MTDH: variants seen among roughly 807,000 people sequenced by gnomAD.
MTDH encodes metadherin.
In MTDH, 34 loss-of-function variants were observed where a neutral mutation model predicts 72.7. The observed-to-expected ratio is 0.47, with a 90% CI of 0.36 to 0.62. MTDH has a LOEUF of 0.62. MTDH is among the 20% of genes least tolerant of loss of function. The probability of loss-of-function intolerance (pLI) is 0.00; values close to 1 mark genes in which losing one functional copy is unlikely to be tolerated. For synonymous variants in MTDH, 266 were observed against 268.9 expected, an observed-to-expected ratio of 0.99 and a Z score of 0.10; for missense variants, 677 against 699.4, an observed-to-expected ratio of 0.97 and a Z score of 0.36.
rs73699160 is a variant in MTDH at position 97,654,099 on chromosome 8, A to C, written c.382-6973A>C. Among the ~76,000 whole-genome samples, 538 of 152,306 alleles carry C rather than the reference A, an allele frequency of 3.5e-3. 6 individuals are homozygous for C. The highest frequency in any genetic ancestry group is 0.012 in the African/African-American group (489 of 41,560). ...AACAAGGAGACAGTTTGGAATCCTGAGTTGAATTTTTGGCTGTTTAGAAAG... is the reference window on the plus strand; with the variant it reads ...AACAAGGAGACAGTTTGGAATCCTGCGTTGAATTTTTGGCTGTTTAGAAAG... On this transcript the variant is annotated intron_variant, in intron 1 of 11. Transcript: ENST00000336273.
intron 7 of MTDH, among the ~76,000 whole-genome samples, chr8:97,701,242 AC>A (rs34366263): frequency 1.3e-5 from 2 of 151,816 alleles, no homozygotes; most frequent in Non-Finnish European, 2.9e-5. Context: ...TGATTCCAGG[AC>A]CCCCCTCAGG....
chr8:97,649,426 A>G (rs955411876), intron 1 of MTDH, among the ~76,000 whole-genome samples: 1 of 152,164 alleles, frequency 6.6e-6, no homozygotes, highest in African/African-American at 2.4e-5. Context: ...TGATGTTCAC[A>G]TCCTTTCAGT....
chr8:97,706,445 G>C, intron 7 of MTDH, 181 bp from the exon 8 acceptor site: 1 of 427,322 alleles, frequency 2.3e-6, no homozygotes, highest in Non-Finnish European at 3.9e-6. Flanking sequence ...GATATGCTTA[G>C]CAGAAATTGA....
At chr8:97,699,257 C>T (rs139821333) in intron 6 of MTDH, among the ~76,000 whole-genome samples, 4,787 of 152,096 alleles carry the variant, frequency 0.031, 275 homozygotes, top group African/African-American at 0.11. Context: ...CACTACACTC[C>T]GGCCTGGGCA....
chr8:97,729,715 T>C lies in MTDH; in HGVS notation c.*5045T>C, dbSNP rs555231020. On this transcript the variant is annotated 3_prime_UTR_variant, in exon 12 of 12. Coordinates refer to ENST00000336273, the MANE Select transcript of MTDH (RefSeq NM_178812.4). ...TCTCGTTGCCCAGGCTGGTCTCCAA[T>C]TCCTGGGTTCAAGCAATCCTCCTGA... 3.1e-4 allele frequency among the ~76,000 whole-genome samples: 47 copies of C among 152,286 alleles called. No homozygotes were observed. Among genetic ancestry groups the C allele is most frequent in the African/African-American group, 1.1e-3 (45 of 41,564 alleles).
At chr8:97,691,539 A>G (rs1266953749) in intron 6 of MTDH, among the ~76,000 whole-genome samples, 1 of 152,220 alleles carries the variant, frequency 6.6e-6, no homozygotes, top group East Asian at 1.9e-4. Context: ...AAAATAGTAA[A>G]TGGAAGTACA....
chr8:97,675,350 C>T (rs1812792185), intron 2 of MTDH, among the ~76,000 whole-genome samples: 1 of 151,722 alleles, frequency 6.6e-6, no homozygotes, highest in South Asian at 2.1e-4. Context: ...CACCTGAGGT[C>T]AGGAGTTTGA....
At chr8:97,662,890 A>G (rs1470543626) in intron 2 of MTDH, among the ~76,000 whole-genome samples, 2 of 151,762 alleles carry the variant, frequency 1.3e-5, no homozygotes, top group African/African-American at 2.4e-5. Context: ...CTTCAAAGAC[A>G]TTTTGAAATT....
At chr8:97,683,099 C>T (rs1332711678) in intron 2 of MTDH, among the ~76,000 whole-genome samples, 1 of 100,414 alleles carries the variant, frequency 1.0e-5, no homozygotes, top group Non-Finnish European at 1.9e-5. Flanking sequence ...GAGTCTCTCT[C>T]TGTCACCCAG....
chr8:97,656,602 A>G (rs1033411044), intron 1 of MTDH, among the ~76,000 whole-genome samples: 1 of 150,950 alleles, frequency 6.6e-6, no homozygotes, highest in South Asian at 2.1e-4. Context: ...TGCCCGGCCT[A>G]TTAAGCATAC....
At chr8:97,688,996 C>T in intron 4 of MTDH, 42 bp from the exon 5 acceptor site, 1 of 996,012 alleles carries the variant, frequency 1.0e-6, no homozygotes, top group Non-Finnish European at 1.5e-6. Flanking sequence ...GTGCATAGTG[C>T]CCTATTTAGT....
intron 2 of MTDH, among the ~76,000 whole-genome samples, chr8:97,683,026 C>A (rs2130990235): frequency 7.3e-6 from 1 of 137,598 alleles, no homozygotes; most frequent in East Asian, 2.3e-4. Flanking sequence ...ACCACTTTAC[C>A]CTATGATGCT....
In MTDH at chr8:97,699,837, GA is replaced by G; in HGVS notation, c.1134del (p.Glu378AspfsTer5). 6.2e-7 allele frequency: 1 copy of G among 1,610,146 alleles called. No individual in the cohort carries two copies. The highest frequency in any genetic ancestry group is 8.5e-7 in the Non-Finnish European group (1 of 1,176,838). On this transcript the variant is annotated frameshift_variant, in exon 7 of 12. Transcript: ENST00000336273. LOFTEE classifies it high-confidence loss of function. ...CCGTAATCAACCCTATATCGATGAT[GA>G]ATGGTCTGGGTTAAGTATGTCCTTT... is the stretch of plus-strand genomic sequence containing the variant. Reference protein sequence around the residue: ...VSRNQPYIDDEWSGLNGLSSA... With the variant: ...VSRNQPYIDDXWSGLNGLSSA...
intron 6 of MTDH, among the ~76,000 whole-genome samples, chr8:97,692,272 C>T (rs1173261168): frequency 1.1e-4 from 17 of 152,220 alleles, no homozygotes; most frequent in African/African-American, 4.1e-4. Context: ...AACATTGTAA[C>T]ATAAACATTT....
chr8:97,696,274 A>T, intron 6 of MTDH: 1 of 985,282 alleles, frequency 1.0e-6, no homozygotes. Context: ...CATCTCTCAC[A>T]CTTAACTCTG....
chr8:97,647,977 C>T (rs1811628472), intron 1 of MTDH, among the ~76,000 whole-genome samples: 1 of 151,724 alleles, frequency 6.6e-6, no homozygotes. Context: ...CTTGTAGATT[C>T]CTGATCTCTG....
chr8:97,702,308 G>T (rs756750838), intron 7 of MTDH, among the ~76,000 whole-genome samples: 8 of 152,198 alleles, frequency 5.3e-5, no homozygotes. Context: ...GTGGTTGAGA[G>T]CATGAGCTTT....
intron 2 of MTDH, among the ~76,000 whole-genome samples, chr8:97,681,137 G>A (rs1813052419): frequency 6.6e-6 from 1 of 151,998 alleles, no homozygotes; most frequent in Admixed American, 6.6e-5. Flanking sequence ...AAAAAAAAAT[G>A]AGTACAGGCC....
intron 2 of MTDH, among the ~76,000 whole-genome samples, chr8:97,664,044 A>G (rs910046534): frequency 6.6e-6 from 1 of 152,012 alleles, no homozygotes; most frequent in Non-Finnish European, 1.5e-5. Context: ...GCCTAGAAAA[A>G]TTTTGTGATT....
Sources: allele counts gnomAD v4.1 joint callset (sites outside exome capture counted in the v4.1 genomes callset), GRCh38; gene constraint gnomAD v4.1.1; transcripts MANE v1.5; gene names NCBI Gene and HGNC (gene_info 2026-07-23, HGNC 2026-07-21).